Variants in KCNS3 observed in about 807,000 individuals in gnomAD.
KCNS3 encodes potassium voltage-gated channel modifier subfamily S member 3.
In KCNS3, 13 loss-of-function variants were observed where a neutral mutation model predicts 31.0. The observed-to-expected ratio is 0.42, with a 90% CI of 0.27 to 0.67. KCNS3 has a LOEUF of 0.67. Among genes scored for constraint, KCNS3 ranks in the 30% least tolerant of loss-of-function variants. The probability of loss-of-function intolerance (pLI) is 0.25; values close to 1 mark genes in which losing one functional copy is unlikely to be tolerated. For synonymous variants in KCNS3, 238 were observed against 241.5 expected (o/e 0.99, Z 0.13); for missense variants, 545 against 622.4 (o/e 0.88, Z 1.32).
chr2:17,920,404 T>A (rs986825764), intron 2 of KCNS3, among the ~76,000 whole-genome samples: 1 of 152,182 alleles, frequency 6.6e-6, no homozygotes, highest in Non-Finnish European at 1.5e-5. Context: ...AATATTTTCT[T>A]AGGTGAGTTT....
At chr2:17,895,890 T>C (rs866708903) in intron 1 of KCNS3, among the ~76,000 whole-genome samples, 45 of 151,866 alleles carry the variant, frequency 3.0e-4, no homozygotes, top group Admixed American at 1.4e-3. Flanking sequence ...GGTAAATAAT[T>C]TGATGGAGTA....
chr2:17,891,567 A>G (rs1661856751), intron 1 of KCNS3, among the ~76,000 whole-genome samples: 1 of 152,138 alleles, frequency 6.6e-6, no homozygotes, highest in Non-Finnish European at 1.5e-5. Flanking sequence ...ATGTGTTTCC[A>G]GGATTTGTTT....
intron 1 of KCNS3, among the ~76,000 whole-genome samples, chr2:17,907,758 T>C (rs1662370832): frequency 6.6e-6 from 1 of 152,172 alleles, no homozygotes; most frequent in South Asian, 2.1e-4. Flanking sequence ...GGTTGAAAAT[T>C]CTTTTCCTTA....
intron 1 of KCNS3, among the ~76,000 whole-genome samples, chr2:17,905,670 A>C (rs911220055): frequency 3.9e-5 from 6 of 152,328 alleles, no homozygotes; most frequent in African/African-American, 1.4e-4. Flanking sequence ...TTTAGCATGA[A>C]GGGCTGTTGA....
intron 1 of KCNS3, among the ~76,000 whole-genome samples, chr2:17,913,924 A>G (rs1016126081): frequency 6.6e-6 from 1 of 152,156 alleles, no homozygotes; most frequent in Non-Finnish European, 1.5e-5. Context: ...CACAAGAAAG[A>G]ATTACCTGAC....
At chr2:17,893,223 A>C (rs1353964695) in intron 1 of KCNS3, among the ~76,000 whole-genome samples, 1 of 151,996 alleles carries the variant, frequency 6.6e-6, no homozygotes, top group Non-Finnish European at 1.5e-5. Flanking sequence ...CACTGGCCTC[A>C]CCCAGTTCCC....
chr2:17,926,162 A>G (rs1046051828), intron 2 of KCNS3, among the ~76,000 whole-genome samples: 1 of 152,208 alleles, frequency 6.6e-6, no homozygotes, highest in Non-Finnish European at 1.5e-5. Flanking sequence ...CTTTTACTCC[A>G]TGCCTCACAT....
intron 1 of KCNS3, among the ~76,000 whole-genome samples, chr2:17,901,799 A>C (rs768089823): frequency 2.6e-5 from 4 of 152,140 alleles, no homozygotes; most frequent in African/African-American, 4.8e-5. Context: ...CAACATTTAA[A>C]AAATTGGGGA....
chr2:17,886,742 G>GTCCATCCA (rs35391429), intron 1 of KCNS3, among the ~76,000 whole-genome samples: 40,387 of 146,696 alleles, frequency 0.28, 5,954 homozygotes, highest in Non-Finnish European at 0.33. Flanking sequence ...CCATTTAAAT[G>GTCCATCCA]TCCATCCATC....
chr2:17,908,644 G>A (rs942258254), intron 1 of KCNS3, among the ~76,000 whole-genome samples: 1 of 152,140 alleles, frequency 6.6e-6, no homozygotes, highest in Non-Finnish European at 1.5e-5. Flanking sequence ...TTTTGGTGTG[G>A]ATGTCCTTTC....
intron 1 of KCNS3, among the ~76,000 whole-genome samples, chr2:17,911,153 C>G (rs1662463391): frequency 6.6e-6 from 1 of 152,244 alleles, no homozygotes; most frequent in Non-Finnish European, 1.5e-5. Flanking sequence ...TTCCTCAATA[C>G]CGTCTCTGTA....
At chr2:17,912,403 G>C (rs191743438) in intron 1 of KCNS3, among the ~76,000 whole-genome samples, 1 of 152,210 alleles carries the variant, frequency 6.6e-6, no homozygotes, top group Non-Finnish European at 1.5e-5. Context: ...CTAGCCATGC[G>C]GTAGGGAGAT....
At chr2:17,879,649 T>G (rs1469772928) in intron 1 of KCNS3, among the ~76,000 whole-genome samples, 1 of 152,118 alleles carries the variant, frequency 6.6e-6, no homozygotes, top group Non-Finnish European at 1.5e-5. Flanking sequence ...GCTGGGCGCC[T>G]TTCGCATTGC....
At chr2:17,915,458 C>G (rs948721356) in intron 1 of KCNS3, among the ~76,000 whole-genome samples, 2 of 152,140 alleles carry the variant, frequency 1.3e-5, no homozygotes, top group Admixed American at 6.5e-5. Context: ...GCTCACTCCC[C>G]CCAATCCCTG....
At chr2:17,901,723 T>C (rs1662178789) in intron 1 of KCNS3, among the ~76,000 whole-genome samples, 1 of 152,080 alleles carries the variant, frequency 6.6e-6, no homozygotes, top group African/African-American at 2.4e-5. Context: ...GGCCTGCAGA[T>C]TGTGTCCAGG....
intron 1 of KCNS3, among the ~76,000 whole-genome samples, chr2:17,900,007 C>T (rs553824905): frequency 1.3e-5 from 2 of 152,210 alleles, no homozygotes; most frequent in Admixed American, 1.3e-4. Context: ...ATGTGCCTCC[C>T]CAGTATGGGG....
At position 17,911,763 on chromosome 2, in the gene KCNS3, T is replaced by C. The variant is rs937944852; in HGVS notation, c.-251-5917T>C. ...GGTTTTACATGCAGTAGAGCTGTAGTAGCTAAGAGAATGGCTTTGAAGAAT... is the reference window on the plus strand; with the variant it reads ...GGTTTTACATGCAGTAGAGCTGTAGCAGCTAAGAGAATGGCTTTGAAGAAT... On this transcript the variant is annotated intron_variant, in intron 1 of 2. Coordinates refer to ENST00000304101, the MANE Select transcript of KCNS3 (RefSeq NM_002252.5). Among the ~76,000 whole-genome samples, 3 of 152,258 alleles carry C rather than the reference T, an allele frequency of 2.0e-5. 1 individual carries two copies. Among genetic ancestry groups the C allele is most frequent in the African/African-American group, 7.2e-5 (3 of 41,474 alleles).
chr2:17,931,395 C>T lies in KCNS3; in HGVS notation c.387C>T (p.His129=), dbSNP rs770656138. 1.6e-5 allele frequency: 26 copies of T among 1,613,976 alleles called. No homozygotes were observed. Among genetic ancestry groups the T allele is most frequent in the Admixed American group, 3.3e-5 (2 of 59,996 alleles). The change falls in exon 3 of 3, where the codon CAC becomes CAT. Residue 129 remains histidine, a synonymous_variant. Coordinates refer to ENST00000304101, the MANE Select transcript of KCNS3 (RefSeq NM_002252.5). This position sits in a 1 kb window ranked among gnomAD's most constrained non-coding sequence, Gnocchi z 5.4. ...ACCAGGAACGCAAGGAGGAAAACCA[C>T]GAGAAGGACTGGGACCAGAAAAGCC... ...NRYQERKEEN[H]EKDWDQKSHD...
intron 1 of KCNS3, among the ~76,000 whole-genome samples, chr2:17,909,837 G>C (rs929699906): frequency 2.6e-5 from 4 of 152,220 alleles, no homozygotes; most frequent in African/African-American, 9.6e-5. Context: ...AGGGTGAGAG[G>C]AGTAGGAGGT....
Sources: allele counts gnomAD v4.1 joint callset (sites outside exome capture counted in the v4.1 genomes callset), GRCh38; gene constraint gnomAD v4.1.1; non-coding constraint Gnocchi (gnomAD v3.1); transcripts MANE v1.5; gene names NCBI Gene and HGNC (gene_info 2026-07-23, HGNC 2026-07-21).